The following WDR25 variants were observed in gnomAD, a reference collection of about 807,000 sequenced individuals.
The protein encoded by WDR25 is WD repeat-containing protein 25.
Under a neutral mutation model 47.7 loss-of-function variants are expected in WDR25, and 35 were observed. The observed-to-expected ratio is 0.73, with a 90% confidence interval of 0.56 to 0.97. The LOEUF (loss-of-function observed/expected upper bound fraction) is 0.97. WDR25 is among the 50% of genes least tolerant of loss of function. The pLI is 0.00. For missense variants in WDR25, 634 were observed against 704.7 expected (o/e 0.90, Z 1.14); for synonymous variants, 248 against 278.9 (o/e 0.89, Z 1.10).
At chr14:100,460,740 C>T (rs191031697) in intron 2 of WDR25, among the ~76,000 whole-genome samples, 134 of 152,194 alleles carry the variant, frequency 8.8e-4, no homozygotes, top group African/African-American at 3.2e-3. Context: ...GCTCTAATGT[C>T]GTTCTTAACT....
At chr14:100,513,237 G>T (rs373552641) in intron 4 of WDR25, among the ~76,000 whole-genome samples, 1 of 152,166 alleles carries the variant, frequency 6.6e-6, no homozygotes, top group Non-Finnish European at 1.5e-5. Flanking sequence ...ATGGTATTAG[G>T]GGGTGGGGGC....
intron 4 of WDR25, among the ~76,000 whole-genome samples, chr14:100,519,747 A>C (rs2140379460): frequency 7.1e-6 from 1 of 141,464 alleles, no homozygotes; most frequent in Admixed American, 7.3e-5. Flanking sequence ...TATATAGTAT[A>C]TATATAGTGT....
In WDR25 at chr14:100,391,652, TAA is replaced by T. The variant is rs34455228; in HGVS notation, c.822+9918_822+9919del. Among the ~76,000 whole-genome samples the T allele has an allele frequency of 7.7e-3, 1,145 of 148,220 alleles. 13 individuals carry two copies. Among genetic ancestry groups the T allele is most frequent in the African/African-American group, 0.024 (967 of 40,522 alleles). On this transcript the variant is annotated intron_variant, in intron 2 of 6. Transcript: ENST00000402312. ...TTTTTGGTATATTTTCATCCAGCCT[TAA>T]AAAAAAAAAAAGATTCAACATAGTT...
chr14:100,429,612 A>G (rs576354899), intron 2 of WDR25, among the ~76,000 whole-genome samples: 11 of 152,310 alleles, frequency 7.2e-5, no homozygotes, highest in African/African-American at 1.9e-4. Flanking sequence ...TTGGACTGCC[A>G]TAACAAAATA....
At chr14:100,395,073 G>T (rs1161735668) in intron 2 of WDR25, among the ~76,000 whole-genome samples, 3 of 152,226 alleles carry the variant, frequency 2.0e-5, no homozygotes. Context: ...ACGGCCAGGT[G>T]AAGTGCTTGG....
chr14:100,494,508 G>C (rs1278263359), intron 4 of WDR25, among the ~76,000 whole-genome samples: 1 of 152,224 alleles, frequency 6.6e-6, no homozygotes, highest in Non-Finnish European at 1.5e-5. Context: ...AGCCAGACAA[G>C]ATGAGCTAGG....
At chr14:100,443,396 G>A (rs1898727536) in intron 2 of WDR25, among the ~76,000 whole-genome samples, 1 of 139,450 alleles carries the variant, frequency 7.2e-6, no homozygotes, top group African/African-American at 2.7e-5. Flanking sequence ...TACTGGAAAA[G>A]CCACCGACTG....
rs761697988 is a variant in WDR25, at chr14:100,407,228, G to A, written c.822+25482G>A. The A allele has an allele frequency of 1.3e-5, 2 of 152,208 alleles. No individual in the cohort carries two copies. The highest frequency in any genetic ancestry group is 2.9e-5 in the Non-Finnish European group (2 of 68,028). The allele number at this position is 152,208 out of a possible 1,614,324, so 9.4% of individuals were successfully genotyped here. A position where few individuals can be genotyped will look rare whatever the true frequency, so the allele number is the denominator to read the frequency against. ...AATTTGCATTGTGTCCTATATTCCT[G>A]AAAAGTTGCTTTCAGATTCTTATTG... On this transcript the variant is annotated intron_variant, in intron 2 of 6. Transcript: ENST00000402312. The surrounding 1 kb of genome is among the most constrained non-coding windows in gnomAD (Gnocchi z 4.1).
intron 2 of WDR25, among the ~76,000 whole-genome samples, chr14:100,446,073 C>G (rs1595095878): frequency 6.6e-6 from 1 of 152,166 alleles, no homozygotes. Flanking sequence ...TATTATACCC[C>G]CTGACTGTTT....
In WDR25 at chr14:100,508,351, T is replaced by G. The variant is rs1901186740; in HGVS notation, c.1102-17519T>G. Among the ~76,000 whole-genome samples, 3 of 152,154 alleles carry G rather than the reference T, an allele frequency of 2.0e-5. No individual in the cohort carries two copies. The South Asian group carries it at 6.2e-4, about 31-fold the overall frequency. On this transcript the variant is annotated intron_variant, in intron 4 of 6. Coordinates refer to ENST00000402312, the MANE Select transcript of WDR25 (RefSeq NM_001161476.3). ...GGGCAAAAACTGGAAGCATTCCCCT[T>G]GAGAACTGGAATAAGACAAGGGTGC...
At chr14:100,456,438 A>T (rs996008636) in intron 2 of WDR25, among the ~76,000 whole-genome samples, 2 of 152,236 alleles carry the variant, frequency 1.3e-5, no homozygotes, top group African/African-American at 2.4e-5. Context: ...CAGATCCAGA[A>T]ATGGCACAGA....
At chr14:100,426,263 A>C (rs78328677) in intron 2 of WDR25, among the ~76,000 whole-genome samples, 1,575 of 152,288 alleles carry the variant, frequency 0.01, 16 homozygotes, top group Middle Eastern at 0.027. Flanking sequence ...CTGCAATTAC[A>C]CTTTTCTTTG....
intron 2 of WDR25, among the ~76,000 whole-genome samples, chr14:100,409,804 T>C (rs1331861443): frequency 6.6e-6 from 1 of 152,210 alleles, no homozygotes; most frequent in East Asian, 1.9e-4. Flanking sequence ...TATGGGTTAA[T>C]GTTGAGGCCA....
chr14:100,393,487 C>A (rs1156978773), intron 2 of WDR25, among the ~76,000 whole-genome samples: 1 of 152,026 alleles, frequency 6.6e-6, no homozygotes, highest in Non-Finnish European at 1.5e-5. Flanking sequence ...GCTGTTAGCC[C>A]GGGGGCGGAG....
At chr14:100,433,254 C>T (rs559363654) in intron 2 of WDR25, among the ~76,000 whole-genome samples, 2 of 152,360 alleles carry the variant, frequency 1.3e-5, no homozygotes, top group East Asian at 3.9e-4. Context: ...ACAACACTCA[C>T]ATTTAGAGTA....
At chr14:100,446,949 C>T (rs1314905017) in intron 2 of WDR25, among the ~76,000 whole-genome samples, 3 of 152,192 alleles carry the variant, frequency 2.0e-5, no homozygotes, top group Admixed American at 6.5e-5. Context: ...CTAAGTGCTA[C>T]GGAGTCATCA....
rs1898287848 is a variant in WDR25 at position 100,430,173 on chromosome 14, TG to T, written c.823-37847del. Among the ~76,000 whole-genome samples the T allele has an allele frequency of 6.6e-6, 1 of 151,694 alleles. No homozygotes were observed. The highest frequency in any genetic ancestry group is 6.6e-5 in the Admixed American group (1 of 15,220). On this transcript the variant is annotated intron_variant, in intron 2 of 6. Transcript: ENST00000402312. This position sits in a 1 kb window ranked among gnomAD's most constrained non-coding sequence, Gnocchi z 4.7. ...CCTGGTGTGTGTGTGTGTGTGTGTG[TG>T]TGTGTGTGTGTTCCCGGGAAGGCAC...
At chr14:100,387,513 G>T (rs919000483) in intron 2 of WDR25, among the ~76,000 whole-genome samples, 17 of 152,230 alleles carry the variant, frequency 1.1e-4, no homozygotes, top group African/African-American at 4.1e-4. Flanking sequence ...AAGCATGGAT[G>T]AGAGGATGGA....
chr14:100,400,315 GGT>G (rs1897347207), intron 2 of WDR25, among the ~76,000 whole-genome samples: 1 of 152,174 alleles, frequency 6.6e-6, no homozygotes, highest in Non-Finnish European at 1.5e-5. Flanking sequence ...TGGGCTTTGT[GGT>G]CCCCTCGGAG....
Sources: gnomAD v4.1 joint callset for allele counts (sites outside exome capture counted in the v4.1 genomes callset) on GRCh38, gnomAD v4.1.1 for gene constraint, Gnocchi (gnomAD v3.1) non-coding constraint, MANE v1.5 for transcripts, NCBI Gene and HGNC (gene_info 2026-07-23, HGNC 2026-07-21) for gene names.